The following PPP1R13B variants were observed in gnomAD, a reference collection of about 807,000 sequenced individuals.
PPP1R13B encodes the protein apoptosis-stimulating of p53 protein 1.
PPP1R13B carries 44 observed loss-of-function variants against 119.8 expected under a neutral mutation model. The observed-to-expected ratio is 0.37, with a 90% CI of 0.29 to 0.47. The LOEUF is 0.47. Among genes scored for constraint, PPP1R13B ranks in the 20% least tolerant of loss-of-function variants. The pLI, the probability that PPP1R13B is intolerant of heterozygous loss-of-function variation, is 0.99. For synonymous variants in PPP1R13B, 542 were observed against 561.5 expected (o/e 0.97, Z 0.49); for missense variants, 1,227 against 1,413.5 (o/e 0.87, Z 2.12).
chr14:103,780,540 C>G (rs548525203), intron 3 of PPP1R13B, among the ~76,000 whole-genome samples: 3 of 138,160 alleles, frequency 2.2e-5, no homozygotes, highest in African/African-American at 5.4e-5. Context: ...GGGGGCTGGA[C>G]GTGGTGGCTC....
intron 1 of PPP1R13B, among the ~76,000 whole-genome samples, chr14:103,825,937 CG>C (rs2086529459): frequency 6.6e-6 from 1 of 151,862 alleles, no homozygotes; most frequent in African/African-American, 2.4e-5. Flanking sequence ...CTCCACCTCC[CG>C]GGTTCAAGTG....
At chr14:103,838,405 A>G (rs1410146936) in intron 1 of PPP1R13B, among the ~76,000 whole-genome samples, 1 of 152,232 alleles carries the variant, frequency 6.6e-6, no homozygotes, top group African/African-American at 2.4e-5. Flanking sequence ...TGAAGCTCAC[A>G]GTCTAGGACA....
At chr14:103,804,506 T>C (rs1204191063) in intron 1 of PPP1R13B, among the ~76,000 whole-genome samples, 1 of 152,098 alleles carries the variant, frequency 6.6e-6, no homozygotes, top group Non-Finnish European at 1.5e-5. Flanking sequence ...GAGGATCGCT[T>C]AGGCCCAGGA....
At chr14:103,760,686 AG>A (rs148298336) in intron 4 of PPP1R13B, among the ~76,000 whole-genome samples, 3,352 of 152,266 alleles carry the variant, frequency 0.022, 113 homozygotes, top group African/African-American at 0.076. Context: ...TCTGGGTTCC[AG>A]GAACACTGTT....
chr14:103,754,251 A>T lies in PPP1R13B; in HGVS notation c.457-7T>A. On this transcript the variant is annotated splice_polypyrimidine_tract_variant and splice_region_variant and intron_variant, in intron 5 of 16. Transcript: ENST00000202556. The stretch of plus-strand genomic sequence containing the variant: ...GAAAATGTAAACGCTGTTCCTAACA[A>T]AAGAAAGAAAAATGTAACTTTGAAA... 1.3e-6 allele frequency: 2 copies of T among 1,596,488 alleles called. No individual in the cohort carries two copies. The highest frequency in any genetic ancestry group is 1.7e-6 in the Non-Finnish European group (2 of 1,172,976).
At chr14:103,784,434 T>A (rs1387735312) in intron 3 of PPP1R13B, among the ~76,000 whole-genome samples, 3 of 151,228 alleles carry the variant, frequency 2.0e-5, no homozygotes, top group Middle Eastern at 3.2e-3. Context: ...AATACAAAAA[T>A]TAGCCAGGTG....
chr14:103,788,125 TG>T (rs1352095929), intron 2 of PPP1R13B, among the ~76,000 whole-genome samples: 7 of 143,702 alleles, frequency 4.9e-5, no homozygotes, highest in African/African-American at 1.6e-4. Flanking sequence ...AAGAGAAAAA[TG>T]AAAAAAAAAA....
At chr14:103,832,165 G>C (rs2086677765) in intron 1 of PPP1R13B, among the ~76,000 whole-genome samples, 1 of 151,544 alleles carries the variant, frequency 6.6e-6, no homozygotes, top group Non-Finnish European at 1.5e-5. Context: ...AATGTATCCA[G>C]TTGCTGTCTA....
intron 1 of PPP1R13B, among the ~76,000 whole-genome samples, chr14:103,830,452 T>C (rs975422537): frequency 6.6e-6 from 1 of 152,068 alleles, no homozygotes; most frequent in South Asian, 2.1e-4. Flanking sequence ...CCTAATGAGG[T>C]AGGTACTACT....
At chr14:103,819,197 G>A (rs1363202625) in intron 1 of PPP1R13B, among the ~76,000 whole-genome samples, 1 of 152,196 alleles carries the variant, frequency 6.6e-6, no homozygotes, top group Non-Finnish European at 1.5e-5. Context: ...TGAGAGATAA[G>A]CTACTAATTA....
intron 9 of PPP1R13B, 182 bp from the exon 10 acceptor site, chr14:103,743,005 C>G: frequency 1.5e-6 from 1 of 659,622 alleles, no homozygotes; most frequent in Non-Finnish European, 2.5e-6. Context: ...ACCCACAGAC[C>G]CGTGCACAAG....
chr14:103,811,461 G>A (rs2086154649), intron 1 of PPP1R13B, among the ~76,000 whole-genome samples: 2 of 152,108 alleles, frequency 1.3e-5, no homozygotes, highest in Admixed American at 6.6e-5. Flanking sequence ...GCTAAGATGG[G>A]TGGATCACTT....
chr14:103,735,134 G>A lies in PPP1R13B; in HGVS notation c.*20C>T, dbSNP rs368114680. The A allele has an allele frequency of 8.7e-6, 14 of 1,613,864 alleles. No individual in the cohort carries two copies. Among genetic ancestry groups the A allele is most frequent in the Non-Finnish European group, 1.1e-5 (13 of 1,179,868 alleles). On this transcript the variant is annotated 3_prime_UTR_variant, in exon 17 of 17. Coordinates refer to ENST00000202556, the MANE Select transcript of PPP1R13B (RefSeq NM_015316.3). ...GGCTCCTGGTAGCTGGCAAGACCAT[G>A]CGGTGCTCCAAAAGGAAGTTCAGGC...
intron 1 of PPP1R13B, among the ~76,000 whole-genome samples, chr14:103,822,986 G>C (rs7160995): frequency 2.2e-3 from 331 of 152,076 alleles, no homozygotes; most frequent in Middle Eastern, 0.02. Context: ...TAAACCCAGG[G>C]ATGACCCCAA....
At chr14:103,848,351 C>T (rs2087123307), upstream of PPP1R13B, 2 of 985,460 alleles carry the variant, frequency 2.0e-6, no homozygotes, top group Non-Finnish European at 2.4e-6. Flanking sequence ...TGGGTCTCTC[C>T]CTGCAGTCCC....
chr14:103,839,407 C>G (rs1460020812), intron 1 of PPP1R13B, among the ~76,000 whole-genome samples: 1 of 151,930 alleles, frequency 6.6e-6, no homozygotes, highest in Non-Finnish European at 1.5e-5. Context: ...GCAGGCAGAT[C>G]ACCTGACGTT....
Position 103,787,186 on chromosome 14 carries a change from C to T in PPP1R13B, c.158-2272G>A, listed in dbSNP as rs538519574. ...ATATCAGGTTGGGCGTGGTAGTTCA[C>T]GCCTGTAATCCCAACACTTTGGGAG... On this transcript the variant is annotated intron_variant, in intron 2 of 16. Transcript: ENST00000202556. Among the ~76,000 whole-genome samples, 12 of 152,038 alleles carry T rather than the reference C, an allele frequency of 7.9e-5. No homozygotes were observed. The South Asian group carries it at 2.3e-3, about 29-fold the overall frequency.
rs72712830 is a variant in PPP1R13B at position 103,846,780 on chromosome 14, T to C, written c.9+519A>G. 9.6e-5 allele frequency: 44 copies of C among 457,080 alleles called. No homozygotes were observed. In the East Asian group the frequency reaches 1.7e-3, roughly 17 times the overall value. 28.3% of individuals were successfully genotyped at this position (457,080 alleles called of 1,614,324 possible). On this transcript the variant is annotated intron_variant, in intron 1 of 16. Transcript: ENST00000202556. ...CCAGTTAAAGCAAAACGAACCAACA[T>C]TGCAGATACGGGAAAAGGGAATTCC...
intron 2 of PPP1R13B, among the ~76,000 whole-genome samples, chr14:103,785,714 G>C (rs1006554155): frequency 1.3e-5 from 2 of 150,022 alleles, no homozygotes; most frequent in Non-Finnish European, 3.0e-5. Flanking sequence ...GTTTTACCAT[G>C]TTGGCTAGGC....
Sources: gnomAD v4.1 joint callset for allele counts (sites outside exome capture counted in the v4.1 genomes callset) on GRCh38, gnomAD v4.1.1 for gene constraint, MANE v1.5 for transcripts, NCBI Gene and HGNC (gene_info 2026-07-23, HGNC 2026-07-21) for gene names.